CDH23: variants seen among roughly 807,000 people sequenced by gnomAD.
CDH23 encodes cadherin related 23.
Under a neutral mutation model 317.1 loss-of-function variants are expected in CDH23, and 189 were observed. The ratio of observed to expected loss-of-function variants is 0.60; its 90% CI spans 0.53 to 0.67. The LOEUF is 0.67. CDH23 is among the 30% of genes least tolerant of loss of function. The probability of loss-of-function intolerance (pLI) is 0.00; values close to 1 mark genes in which losing one functional copy is unlikely to be tolerated. For missense variants in CDH23, 4,401 were observed against 4,592.4 expected, an observed-to-expected ratio of 0.96 and a Z score of 1.20; for synonymous variants, 1,839 against 1,876.8, an observed-to-expected ratio of 0.98 and a Z score of 0.52.
At position 71,778,234 on chromosome 10, in the gene CDH23, G is replaced by C. The variant is rs373164088; in HGVS notation, c.5113G>C (p.Gly1705Arg). The C allele has an allele frequency of 5.6e-6, 9 of 1,613,792 alleles. No homozygotes were observed. Among genetic ancestry groups the C allele is most frequent in the Non-Finnish European group, 7.6e-6 (9 of 1,179,826 alleles). Residue 1705 changes from glycine to arginine, a missense_variant, in exon 40 of 70, where the codon GGC becomes CGC. Gly to Arg is a moderately radical substitution (Grantham distance 125). Transcript: ENST00000224721. The part of the protein sequence containing the change: ...AKELDYEISH[G>R]RYTLIVTATD... ...AGAGCTGGACTACGAGATCAGCCAC[G>C]GCCGCTACACCCTGATCGTCACTGC...
intron 9 of CDH23, among the ~76,000 whole-genome samples, chr10:71,590,926 G>A (rs1859453080): frequency 6.6e-6 from 1 of 150,990 alleles, no homozygotes; most frequent in South Asian, 2.1e-4. Flanking sequence ...CTTCTCTAGG[G>A]ACTGGGGAAT....
rs1225906200 is a variant in CDH23 at position 71,762,101 on chromosome 10, C to G, written c.4846-15579C>G. The G allele has an allele frequency of 5.5e-6, 8 of 1,459,230 alleles. No individual in the cohort carries two copies. The East Asian group carries it at 1.2e-4, about 22-fold the overall frequency. 90.4% of individuals were successfully genotyped at this position (1,459,230 alleles called of 1,614,324 possible). A position where few individuals can be genotyped will look rare whatever the true frequency, so the allele number is the denominator to read the frequency against. On this transcript the variant is annotated intron_variant, in intron 38 of 69. Coordinates refer to ENST00000224721, the MANE Select transcript of CDH23 (RefSeq NM_022124.6). ...CTGGCAACCCCAGAGCGGGGAAGAA[C>G]CTTAGCCTCTGCTACTTCCCAGCCA...
intron 32 of CDH23, among the ~76,000 whole-genome samples, chr10:71,733,145 G>A (rs1048486747): frequency 2.6e-5 from 4 of 152,328 alleles, no homozygotes; most frequent in Middle Eastern, 3.4e-3. Context: ...GCAGAACTCA[G>A]GGAAACACTT....
At chr10:71,447,025 G>A (rs1381856646) in intron 3 of CDH23, among the ~76,000 whole-genome samples, 1 of 152,170 alleles carries the variant, frequency 6.6e-6, no homozygotes, top group Non-Finnish European at 1.5e-5. Context: ...CAGCCAAACA[G>A]CAGCACCTGA....
intron 1 of CDH23, among the ~76,000 whole-genome samples, chr10:71,430,852 T>C (rs906686843): frequency 2.0e-5 from 3 of 152,186 alleles, no homozygotes; most frequent in African/African-American, 7.2e-5. Flanking sequence ...AGAGGACTGG[T>C]TAAAGGATGG....
chr10:71,572,303 C>A (rs12049711), intron 8 of CDH23, among the ~76,000 whole-genome samples: 1 of 152,098 alleles, frequency 6.6e-6, no homozygotes, highest in Non-Finnish European at 1.5e-5. Context: ...CCTAGCCCAA[C>A]TTTGCCAGGC....
Position 71,702,055 on chromosome 10 carries a change from G to T in CDH23, c.2431G>T (p.Gly811Cys). The T allele has an allele frequency of 6.2e-7, 1 of 1,613,782 alleles. No homozygotes were observed. The highest frequency in any genetic ancestry group is 8.5e-7 in the Non-Finnish European group (1 of 1,179,860). ...VAVDPDLGEN[G>C]TLVYSIQPPN... ...TGTTGACCCAGACCTGGGGGAGAAT[G>T]GCACCCTGGTGTACAGCATCCAGCC... Residue 811 changes from glycine to cysteine, a missense_variant, in exon 23 of 70, where the codon GGC (glycine) becomes TGC (cysteine). Physicochemically the swap from Gly to Cys is radical, Grantham distance 159. Around this residue, in one of 3 missense-constraint regions of CDH23, gnomAD observed 3,068 missense variants for 3,203.3 expected, o/e 0.96. Coordinates refer to ENST00000224721, the MANE Select transcript of CDH23 (RefSeq NM_022124.6).
intron 38 of CDH23, among the ~76,000 whole-genome samples, chr10:71,744,526 TAA>T (rs1315214458): frequency 1.3e-5 from 2 of 152,198 alleles, no homozygotes; most frequent in Admixed American, 6.5e-5. Context: ...TCCCCATGGC[TAA>T]AAAGAGTTTC....
chr10:71,571,831 G>C (rs1857833788), intron 8 of CDH23, among the ~76,000 whole-genome samples: 1 of 152,236 alleles, frequency 6.6e-6, no homozygotes, highest in Non-Finnish European at 1.5e-5. Context: ...GCAAAGTGGG[G>C]CACCCGCCTA....
At chr10:71,579,185 G>T (rs1368290780) in intron 9 of CDH23, among the ~76,000 whole-genome samples, 2 of 152,270 alleles carry the variant, frequency 1.3e-5, no homozygotes, top group East Asian at 3.9e-4. Context: ...GGAAGCTAGG[G>T]GTTAGCTAGT....
At chr10:71,760,739 A>C (rs1840358708) in intron 38 of CDH23, 4 of 815,350 alleles carry the variant, frequency 4.9e-6, no homozygotes, top group Non-Finnish European at 8.5e-6. Flanking sequence ...GCAGCAGCAG[A>C]AAAGGAGGAG....
intron 11 of CDH23, among the ~76,000 whole-genome samples, chr10:71,642,310 T>G (rs934844454): frequency 1.3e-5 from 2 of 151,222 alleles, no homozygotes; most frequent in Non-Finnish European, 2.9e-5. Flanking sequence ...AATGCCCGCA[T>G]CAGACATGAG....
chr10:71,449,322 C>G (rs371677935), intron 3 of CDH23, among the ~76,000 whole-genome samples: 11 of 152,134 alleles, frequency 7.2e-5, no homozygotes, highest in Non-Finnish European at 1.6e-4. Context: ...ACTTCCAGCT[C>G]GAGGCCTCAT....
At chr10:71,459,051 G>A (rs1167210078) in intron 3 of CDH23, among the ~76,000 whole-genome samples, 1 of 148,082 alleles carries the variant, frequency 6.8e-6, no homozygotes, top group Non-Finnish European at 1.5e-5. Flanking sequence ...CTCCCAAAGT[G>A]CTGGGATTAC....
chr10:71,561,579 A>C (rs1209077300), intron 6 of CDH23, among the ~76,000 whole-genome samples: 1 of 152,190 alleles, frequency 6.6e-6, no homozygotes, highest in Non-Finnish European at 1.5e-5. Flanking sequence ...AGGAGTAGCA[A>C]AAAGATTTAT....
chr10:71,561,263 C>T lies in CDH23; in HGVS notation c.430-5479C>T, dbSNP rs895303528. On this transcript the variant is annotated intron_variant, in intron 6 of 69. Coordinates refer to ENST00000224721, the MANE Select transcript of CDH23 (RefSeq NM_022124.6). The stretch of plus-strand genomic sequence containing the variant: ...GTCCTGCCCCTCTCACTGTTCTCAC[C>T]GCATTTTCCTCTGTGTTCCTGTGCT... Among the ~76,000 whole-genome samples, 9 of 151,924 alleles carry T rather than the reference C, an allele frequency of 5.9e-5. No homozygotes were observed. The South Asian group carries it at 6.2e-4, about 11-fold the overall frequency.
intron 9 of CDH23, among the ~76,000 whole-genome samples, chr10:71,593,301 C>G (rs1256336616): frequency 9.2e-5 from 14 of 152,126 alleles, no homozygotes; most frequent in Non-Finnish European, 4.4e-5. Flanking sequence ...AGCAAGATCC[C>G]TACCATACAC....
At chr10:71,413,481 T>C (rs1848419307) in intron 1 of CDH23, among the ~76,000 whole-genome samples, 1 of 152,212 alleles carries the variant, frequency 6.6e-6, no homozygotes, top group South Asian at 2.1e-4. Context: ...AGATTCCACA[T>C]AAAATCTTAG....
intron 66 of CDH23, 94 bp downstream of exon 66, chr10:71,812,109 G>T: frequency 6.2e-7 from 1 of 1,607,404 alleles, no homozygotes; most frequent in Non-Finnish European, 8.5e-7. Flanking sequence ...TGGGGCTGCC[G>T]AAACCCAGGC....
Sources: allele counts gnomAD v4.1 joint callset (sites outside exome capture counted in the v4.1 genomes callset), GRCh38; gene constraint gnomAD v4.1.1; regional missense constraint gnomAD v4.1.1; transcripts MANE v1.5; gene names NCBI Gene and HGNC (gene_info 2026-07-23, HGNC 2026-07-21).